The following DCAF5 variants were observed in gnomAD, a reference collection of about 807,000 sequenced individuals.
DCAF5 encodes the protein DDB1- and CUL4-associated factor 5.
DCAF5 carries 9 observed loss-of-function variants against 80.7 expected under a neutral mutation model. The ratio of observed to expected loss-of-function variants is 0.11; its 90% CI spans 0.07 to 0.19. The LOEUF is 0.19. DCAF5 is among the 10% of genes least tolerant of loss of function. The probability of loss-of-function intolerance (pLI) is 1.00; values close to 1 mark genes in which losing one functional copy is unlikely to be tolerated. For synonymous variants in DCAF5, 433 were observed against 461.9 expected (o/e 0.94, Z 0.80); for missense variants, 842 against 1,205.7 (o/e 0.70, Z 4.47).
chr14:69,087,731 T>C (rs2039390251), intron 6 of DCAF5, among the ~76,000 whole-genome samples: 1 of 152,186 alleles, frequency 6.6e-6, no homozygotes, highest in South Asian at 2.1e-4. Flanking sequence ...GCATCAGGCA[T>C]ACAGTAAATG....
At chr14:69,099,894 G>A (rs922996870) in intron 5 of DCAF5, among the ~76,000 whole-genome samples, 3 of 151,744 alleles carry the variant, frequency 2.0e-5, no homozygotes, top group African/African-American at 7.3e-5. Flanking sequence ...CTGGGTGACA[G>A]AATAAGACAC....
intron 5 of DCAF5, among the ~76,000 whole-genome samples, chr14:69,097,579 ATTATTTT>A (rs1419561081): frequency 9.4e-6 from 1 of 106,442 alleles, no homozygotes; most frequent in Non-Finnish European, 1.9e-5. Context: ...TATTATTATT[ATTATTTT>A]TTTTTTTTTT....
At chr14:69,150,149 A>C (rs1274656344) in intron 1 of DCAF5, among the ~76,000 whole-genome samples, 3 of 152,218 alleles carry the variant, frequency 2.0e-5, no homozygotes, top group Non-Finnish European at 4.4e-5. Flanking sequence ...TCTTAGCCAA[A>C]ATGGAGGAGC....
intron 6 of DCAF5, among the ~76,000 whole-genome samples, chr14:69,088,988 G>A (rs1210869749): frequency 8.0e-5 from 2 of 24,950 alleles, no homozygotes; most frequent in East Asian, 0.011. Context: ...GACTTCTTGT[G>A]CACACTTAAA....
chr14:69,134,867 T>C (rs1471527829), intron 1 of DCAF5, among the ~76,000 whole-genome samples: 2 of 152,176 alleles, frequency 1.3e-5, no homozygotes, highest in African/African-American at 2.4e-5. Flanking sequence ...TGGAGGACAA[T>C]TGGGTGACAT....
In DCAF5 at chr14:69,055,228, C is replaced by A; in HGVS notation, c.1458G>T (p.Leu486=). The A allele has an allele frequency of 1.2e-5, 19 of 1,614,184 alleles. No individual in the cohort carries two copies. The highest frequency in any genetic ancestry group is 1.5e-5 in the Non-Finnish European group (18 of 1,180,040). ...CTACTGTGTTTGTGGTGGTGACCCG[C>A]AGGGGCCCCAGGTGGAAGGCGTTGT... is the stretch of plus-strand genomic sequence containing the variant. ...SADNAFHLGP[L]RVTTTNTVAS... The change falls in exon 9 of 9, where the codon CTG becomes CTT. Residue 486 remains leucine (L), a synonymous_variant. Coordinates refer to ENST00000341516, the MANE Select transcript of DCAF5 (RefSeq NM_003861.3). This position sits in a 1 kb window ranked among gnomAD's most constrained non-coding sequence, Gnocchi z 5.6.
chr14:69,114,813 G>A (rs900401968), intron 5 of DCAF5, among the ~76,000 whole-genome samples: 2 of 152,122 alleles, frequency 1.3e-5, no homozygotes, highest in Admixed American at 6.6e-5. Context: ...AGTGGAAAGT[G>A]GGGGAGGGCC....
chr14:69,115,221 G>A (rs2040504908), intron 5 of DCAF5, among the ~76,000 whole-genome samples: 1 of 152,184 alleles, frequency 6.6e-6, no homozygotes, highest in South Asian at 2.1e-4. Context: ...TCAATAGACT[G>A]TAAAAGCAAG....
intron 1 of DCAF5, among the ~76,000 whole-genome samples, chr14:69,144,307 T>C (rs569908973): frequency 6.6e-6 from 1 of 151,644 alleles, no homozygotes; most frequent in Admixed American, 6.6e-5. Flanking sequence ...GCGCGGTGGC[T>C]CACGCCTGTA....
At position 69,122,364 on chromosome 14, in the gene DCAF5, A is replaced by T. The variant is rs761046744; in HGVS notation, c.215-4T>A. The T allele has an allele frequency of 6.2e-6, 10 of 1,609,000 alleles. No individual in the cohort carries two copies. Among genetic ancestry groups the T allele is most frequent in the Non-Finnish European group, 8.5e-6 (10 of 1,176,172 alleles). On this transcript the variant is annotated splice_polypyrimidine_tract_variant and splice_region_variant and intron_variant, in intron 1 of 8. Transcript: ENST00000341516. The stretch of plus-strand genomic sequence containing the variant: ...AGAACCCGGCGGTCATCTCCTCCTT[A>T]AGAAGGAAATAAGAATCTGTGCTTA...
At chr14:69,112,696 C>T (rs571809390) in intron 5 of DCAF5, among the ~76,000 whole-genome samples, 2 of 151,658 alleles carry the variant, frequency 1.3e-5, no homozygotes, top group Non-Finnish European at 2.9e-5. Flanking sequence ...ATAGAAGCTA[C>T]CTCATAGGGT....
intron 6 of DCAF5, among the ~76,000 whole-genome samples, chr14:69,078,345 T>C (rs1327427076): frequency 6.6e-6 from 1 of 152,162 alleles, no homozygotes; most frequent in African/African-American, 2.4e-5. Flanking sequence ...TACCACCTCA[T>C]ACCCATCAGA....
At chr14:69,140,381 A>C (rs1172510868) in intron 1 of DCAF5, among the ~76,000 whole-genome samples, 7 of 152,112 alleles carry the variant, frequency 4.6e-5, no homozygotes, top group Non-Finnish European at 1.0e-4. Context: ...GCCAACTTTT[A>C]CTCCAAATAC....
intron 1 of DCAF5, among the ~76,000 whole-genome samples, chr14:69,147,050 G>A (rs938521571): frequency 6.6e-6 from 1 of 151,818 alleles, no homozygotes; most frequent in Non-Finnish European, 1.5e-5. Context: ...TGTGCTTTTA[G>A]ACTAATTTAT....
intron 1 of DCAF5, among the ~76,000 whole-genome samples, chr14:69,142,094 A>G (rs2041394352): frequency 6.6e-6 from 1 of 152,178 alleles, no homozygotes; most frequent in Non-Finnish European, 1.5e-5. Context: ...CAGTAGTTCA[A>G]GACCAGCCTG....
intron 7 of DCAF5, among the ~76,000 whole-genome samples, chr14:69,067,534 G>A (rs1478036053): frequency 6.6e-6 from 1 of 151,766 alleles, no homozygotes; most frequent in East Asian, 1.9e-4. Flanking sequence ...TTGTAGAGAT[G>A]GGGTTTTGCC....
At chr14:69,063,876 T>A (rs1288761813) in intron 7 of DCAF5, among the ~76,000 whole-genome samples, 3 of 152,240 alleles carry the variant, frequency 2.0e-5, no homozygotes, top group Non-Finnish European at 4.4e-5. Context: ...ATTTGATGGG[T>A]GACAAAATTT....
At chr14:69,148,478 T>G (rs926285860) in intron 1 of DCAF5, among the ~76,000 whole-genome samples, 1 of 152,090 alleles carries the variant, frequency 6.6e-6, no homozygotes, top group Non-Finnish European at 1.5e-5. Flanking sequence ...GGGCAAATCA[T>G]GAGGTCAGGA....
chr14:69,094,547 CA>C (rs2039636881), intron 5 of DCAF5, among the ~76,000 whole-genome samples: 1 of 152,160 alleles, frequency 6.6e-6, no homozygotes, highest in African/African-American at 2.4e-5. Flanking sequence ...TGTTTTGTCA[CA>C]AAATTCTATT....
Sources: gnomAD v4.1 joint callset for allele counts (sites outside exome capture counted in the v4.1 genomes callset) on GRCh38, gnomAD v4.1.1 for gene constraint, Gnocchi (gnomAD v3.1) non-coding constraint, MANE v1.5 for transcripts, NCBI Gene and HGNC (gene_info 2026-07-23, HGNC 2026-07-21) for gene names.